POLR2M: variants seen among roughly 807,000 people sequenced by gnomAD.
The protein encoded by POLR2M is RNA polymerase II subunit M, also known as protein GRINL1A.
A neutral mutation model predicts 34.6 loss-of-function variants in POLR2M; 30 were observed. The observed-to-expected ratio is 0.87, with a 90% CI of 0.65 to 1.18. The LOEUF (loss-of-function observed/expected upper bound fraction) is 1.18. Ranked by LOEUF, POLR2M falls within the 50% of genes most tolerant of loss-of-function variation. The probability of loss-of-function intolerance (pLI) is 0.00; values close to 1 mark genes in which losing one functional copy is unlikely to be tolerated. For missense variants in POLR2M, 432 were observed against 448.7 expected, an observed-to-expected ratio of 0.96 and a Z score of 0.34; for synonymous variants, 150 against 166.7, an observed-to-expected ratio of 0.90 and a Z score of 0.77.
rs2040589224 is a variant in POLR2M, at chr15:57,708,736, G to A, written c.136G>A (p.Asp46Asn). The part of the protein sequence containing the change: ...RNEKFICKLP[D>N]KGKKIFDSFA... ...CAGAAAATTCATTTGCAAATTGCCC[G>A]ACAAAGGTAAAAAGATCTTTGACTC... Residue 46 changes from aspartate to asparagine, a missense_variant, in exon 2 of 4, where the codon GAC becomes AAC. Transcript: ENST00000299638. 1 of 1,589,418 alleles carries A rather than the reference G, an allele frequency of 6.3e-7. No homozygotes were observed. The highest frequency in any genetic ancestry group is 8.5e-7 in the Non-Finnish European group (1 of 1,170,976).
At chr15:57,707,013 G>A in intron 1 of POLR2M, 58 bp downstream of exon 1, 2 of 1,552,076 alleles carry the variant, frequency 1.3e-6, no homozygotes, top group Non-Finnish European at 8.7e-7. Flanking sequence ...CTCCCTGGGC[G>A]CTCCCCTCCC....
chr15:57,713,350 G>A (rs2040815128), intron 3 of POLR2M, among the ~76,000 whole-genome samples: 1 of 152,086 alleles, frequency 6.6e-6, no homozygotes, highest in African/African-American at 2.4e-5. Context: ...GTAGCATTGA[G>A]GAAGTGTTTA....
rs757298424 is a variant in POLR2M, at chr15:57,714,561, A to C, written c.989A>C (p.Gln330Pro). 50 of 1,613,884 alleles carry C rather than the reference A, an allele frequency of 3.1e-5. No homozygotes were observed. The highest frequency in any genetic ancestry group is 4.1e-5 in the Non-Finnish European group (48 of 1,179,860). The change falls in exon 4 of 4, where the codon CAA (glutamine) becomes CCA (proline). Residue 330 changes from glutamine (Q) to proline (P), a missense_variant. By Grantham distance (76) the Gln-to-Pro change is moderately conservative (BLOSUM62 -1). Coordinates refer to ENST00000299638, the MANE Select transcript of POLR2M (RefSeq NM_015532.5). ...GAGATGCAAGCAAAGCTCGCAGCGC[A>C]AAAATTAGCTGAAAGACTGAATATT... is the stretch of plus-strand genomic sequence containing the variant. ...YEEMQAKLAA[Q>P]KLAERLNIKM...
In POLR2M at chr15:57,706,812, C is replaced by T. The variant is rs1427022191; in HGVS notation, c.-31C>T. 25 of 1,541,516 alleles carry T rather than the reference C, an allele frequency of 1.6e-5. No homozygotes were observed. Among genetic ancestry groups the T allele is most frequent in the Non-Finnish European group, 2.1e-5 (24 of 1,139,610 alleles). The stretch of plus-strand genomic sequence containing the variant: ...GGGGCCTGCCGAGGAAGCCGAGTGC[C>T]CGCCGCCGCGCCAGCCTCAGCCCGC... On this transcript the variant is annotated 5_prime_UTR_variant, in exon 1 of 4. Coordinates refer to ENST00000299638, the MANE Select transcript of POLR2M (RefSeq NM_015532.5).
chr15:57,707,057 C>G, intron 1 of POLR2M, 102 bp downstream of exon 1: 1 of 1,551,686 alleles, frequency 6.4e-7, no homozygotes, highest in Non-Finnish European at 8.7e-7. Flanking sequence ...TGGAAGGTGA[C>G]TTTGACTCAG....
chr15:57,709,934 C>T (rs1217139860), intron 2 of POLR2M, among the ~76,000 whole-genome samples: 1 of 152,158 alleles, frequency 6.6e-6, no homozygotes, highest in African/African-American at 2.4e-5. Flanking sequence ...TTTGCATGCT[C>T]ACTGTATGTA....
At chr15:57,710,194 CTG>C (rs138990406) in intron 2 of POLR2M, among the ~76,000 whole-genome samples, 2,609 of 152,246 alleles carry the variant, frequency 0.017, 86 homozygotes, top group African/African-American at 0.06. Flanking sequence ...GTTTGAAAAA[CTG>C]TGAAAATAGA....
chr15:57,706,929 G>T lies in POLR2M; in HGVS notation c.87G>T (p.Lys29Asn), dbSNP rs143786017. The T allele has an allele frequency of 1.9e-4, 304 of 1,602,786 alleles. 1 individual carries two copies. Among genetic ancestry groups the T allele is most frequent in the Non-Finnish European group, 1.6e-4 (187 of 1,174,408 alleles). The change falls in exon 1 of 4, where the codon AAG becomes AAT. Residue 29 changes from lysine (K) to asparagine (N), a missense_variant. Coordinates refer to ENST00000299638, the MANE Select transcript of POLR2M (RefSeq NM_015532.5). Reference protein sequence around the residue: ...RSLVELREMLKRQERLLRNEK... With the variant: ...RSLVELREMLNRQERLLRNEK... ...TGGTGGAGCTGCGGGAAATGTTGAA[G>T]CGCCAGGAGAGACTTTTGCGCAACG...
intron 3 of POLR2M, among the ~76,000 whole-genome samples, chr15:57,713,595 C>G (rs1397292657): frequency 6.6e-6 from 1 of 152,020 alleles, no homozygotes; most frequent in Non-Finnish European, 1.5e-5. Context: ...TGGTAAAGTC[C>G]TTGGGAGTTT....
chr15:57,709,609 A>G (rs1319723081), intron 2 of POLR2M, among the ~76,000 whole-genome samples: 1 of 152,196 alleles, frequency 6.6e-6, no homozygotes, highest in Non-Finnish European at 1.5e-5. Flanking sequence ...GTAGTTAGGA[A>G]ATAACATGTT....
chr15:57,710,757 A>G (rs1351616433), intron 2 of POLR2M, among the ~76,000 whole-genome samples: 5 of 152,224 alleles, frequency 3.3e-5, no homozygotes, highest in African/African-American at 1.2e-4. Flanking sequence ...TTTAAGAGAC[A>G]GGGAGCCTCC....
rs1408246530 is a variant in POLR2M at position 57,715,758 on chromosome 15, T to C, written c.*1079T>C. ...TTATCAAAAAATTCTTTGTCTAATA[T>C]ATTGGAGTCTTTAAAAGTGTTGAAG... On this transcript the variant is annotated 3_prime_UTR_variant, in exon 4 of 4. Coordinates refer to ENST00000299638, the MANE Select transcript of POLR2M (RefSeq NM_015532.5). The C allele has an allele frequency of 7.2e-5, 11 of 152,242 alleles. No homozygotes were observed. Among genetic ancestry groups the C allele is most frequent in the Non-Finnish European group, 1.5e-5 (1 of 68,032 alleles). 9.4% of individuals were successfully genotyped at this position (152,242 alleles called of 1,614,324 possible). A position where few individuals can be genotyped will look rare whatever the true frequency, so the allele number is the denominator to read the frequency against.
chr15:57,707,442 T>C, intron 1 of POLR2M: 1 of 610,526 alleles, frequency 1.6e-6, no homozygotes, highest in Non-Finnish European at 3.1e-6. Flanking sequence ...GGGAGCCACG[T>C]AATAAAAGTG....
chr15:57,713,726 G>C, intron 3 of POLR2M, among the ~76,000 whole-genome samples: 1 of 148,332 alleles, frequency 6.7e-6, no homozygotes, highest in East Asian at 2.1e-4. Context: ...TTTTCATTTT[G>C]CCATTGAAAT....
At position 57,709,197 on chromosome 15, in the gene POLR2M, C is replaced by T. The variant is rs746961562; in HGVS notation, c.597C>T (p.Ile199=). The change falls in exon 2 of 4, where the codon ATC becomes ATT. Residue 199 remains isoleucine, a synonymous_variant. Coordinates refer to ENST00000299638, the MANE Select transcript of POLR2M (RefSeq NM_015532.5). ...TGTTTATTGACAGGTTACAGAGGATCACCATTGCGGACCAAGGTGAACAAC... is the reference window on the plus strand; with the variant it reads ...TGTTTATTGACAGGTTACAGAGGATTACCATTGCGGACCAAGGTGAACAAC... The part of the protein sequence containing the change: ...DNLFIDRLQR[I]TIADQGEQQS... 1 of 1,614,198 alleles carries T rather than the reference C, an allele frequency of 6.2e-7. No homozygotes were observed.
At chr15:57,713,491 A>G (rs1006627241) in intron 3 of POLR2M, among the ~76,000 whole-genome samples, 19 of 152,104 alleles carry the variant, frequency 1.2e-4, no homozygotes, top group Middle Eastern at 3.2e-3. Flanking sequence ...ACCCATATTC[A>G]TGGCTTGAAG....
chr15:57,707,004 T>C (rs2040512136), intron 1 of POLR2M, 49 bp downstream of exon 1: 1 of 1,552,556 alleles, frequency 6.4e-7, no homozygotes, highest in Non-Finnish European at 8.7e-7. Context: ...CAGCTCGAGC[T>C]CCCTGGGCGC....
In POLR2M at chr15:57,708,742, G is replaced by T; in HGVS notation, c.142G>T (p.Gly48Cys). The T allele has an allele frequency of 6.3e-7, 1 of 1,598,694 alleles. No homozygotes were observed. The highest frequency in any genetic ancestry group is 8.5e-7 in the Non-Finnish European group (1 of 1,174,848). ...ATTCATTTGCAAATTGCCCGACAAA[G>T]GTAAAAAGATCTTTGACTCTTTTGC... ...EKFICKLPDKGKKIFDSFAKL... is the reference protein window; with the variant it reads ...EKFICKLPDKCKKIFDSFAKL... The change falls in exon 2 of 4, where the codon GGT becomes TGT. Residue 48 changes from glycine to cysteine, a missense_variant. By Grantham distance (159) the Gly-to-Cys change is radical (BLOSUM62 -3). Coordinates refer to ENST00000299638, the MANE Select transcript of POLR2M (RefSeq NM_015532.5).
At chr15:57,711,759 A>C (rs1437270092) in intron 2 of POLR2M, among the ~76,000 whole-genome samples, 2 of 152,012 alleles carry the variant, frequency 1.3e-5, no homozygotes, top group Non-Finnish European at 2.9e-5. Flanking sequence ...AAAAAAAAAA[A>C]AACTCCAGAT....
Sources: gnomAD v4.1 joint callset for allele counts (sites outside exome capture counted in the v4.1 genomes callset) on GRCh38, gnomAD v4.1.1 for gene constraint, MANE v1.5 for transcripts, NCBI Gene and HGNC (gene_info 2026-07-23, HGNC 2026-07-21) for gene names.